CLVS1: variants seen among roughly 807,000 people sequenced by gnomAD.
The protein encoded by CLVS1 is clavesin-1.
Under a neutral mutation model 33.1 loss-of-function variants are expected in CLVS1, and 10 were observed. That is an observed-to-expected ratio of 0.30 (90% confidence interval 0.19 to 0.51). CLVS1 has a LOEUF of 0.51. CLVS1 is among the 20% of genes least tolerant of loss of function. The pLI, the probability that CLVS1 is intolerant of heterozygous loss-of-function variation, is 0.97. For missense variants in CLVS1, 343 were observed against 433.4 expected (o/e 0.79, Z 1.85); for synonymous variants, 163 against 166.1 (o/e 0.98, Z 0.14).
At position 61,419,505 on chromosome 8, in the gene CLVS1, A is replaced by G. The variant is rs189601006; in HGVS notation, c.631-34636A>G. Among the ~76,000 whole-genome samples, 40 of 152,282 alleles carry G rather than the reference A, an allele frequency of 2.6e-4. 1 individual carries two copies. The highest frequency in any genetic ancestry group is 3.2e-4 in the Non-Finnish European group (22 of 68,030). ...CCAAGAGAGTTGAAGATGCATTTGA[A>G]TAAGCAATGCAAAAAATTGCTGACA... On this transcript the variant is annotated intron_variant, in intron 3 of 5. Coordinates refer to ENST00000325897, the MANE Select transcript of CLVS1 (RefSeq NM_173519.3).
chr8:61,132,692 G>T (rs1416674714), intron 2 of CLVS1, among the ~76,000 whole-genome samples: 1 of 152,164 alleles, frequency 6.6e-6, no homozygotes, highest in Non-Finnish European at 1.5e-5. Context: ...CGAGGCTTCC[G>T]CATGAAGCTT....
chr8:61,103,128 T>C (rs1325720335), intron 1 of CLVS1, among the ~76,000 whole-genome samples: 1 of 152,218 alleles, frequency 6.6e-6, no homozygotes, highest in African/African-American at 2.4e-5. Flanking sequence ...CAAGGTCCCA[T>C]GTAGAAAGCA....
Position 61,260,684 on chromosome 8 carries a change from T to C in CLVS1, c.-151-38993T>C, listed in dbSNP as rs576727869. 4.7e-4 allele frequency among the ~76,000 whole-genome samples: 72 copies of C among 152,320 alleles called. No homozygotes were observed. The South Asian group carries it at 0.015, about 31-fold the overall frequency. On this transcript the variant is annotated intron_variant, in intron 2 of 2. Coordinates refer to the CLVS1 transcript ENST00000522621. ...GGAGATAAAGAAAAGTGGTCCTGCC[T>C]GGTCCAGCCCGAACATATTGACAGG...
chr8:61,327,610 A>G (rs916933798), intron 2 of CLVS1, among the ~76,000 whole-genome samples: 1 of 152,208 alleles, frequency 6.6e-6, no homozygotes, highest in Non-Finnish European at 1.5e-5. Flanking sequence ...ACTTTTTCAT[A>G]TGATTTGATT....
At chr8:61,345,965 T>C (rs1812206863) in intron 2 of CLVS1, among the ~76,000 whole-genome samples, 2 of 152,072 alleles carry the variant, frequency 1.3e-5, no homozygotes, top group South Asian at 4.1e-4. Context: ...ACCAAACCTA[T>C]ATGTGATTTT....
At chr8:61,123,835 G>T (rs1481036054) in intron 1 of CLVS1, among the ~76,000 whole-genome samples, 1 of 152,210 alleles carries the variant, frequency 6.6e-6, no homozygotes, top group African/African-American at 2.4e-5. Flanking sequence ...CTGCAGTCCA[G>T]CATTTTCTTT....
At chr8:61,049,373 A>T in the CLVS1 span, among the ~76,000 whole-genome samples, 7 of 152,234 alleles carry the variant, frequency 4.6e-5, no homozygotes, top group Admixed American at 3.3e-4. Flanking sequence ...TGCATATATC[A>T]ATTTATCTCC....
chr8:61,164,339 T>G (rs1400229115), intron 2 of CLVS1, among the ~76,000 whole-genome samples: 1 of 152,220 alleles, frequency 6.6e-6, no homozygotes, highest in Non-Finnish European at 1.5e-5. Context: ...AAGTTATTTT[T>G]CTTTTAAAGC....
the CLVS1 span, among the ~76,000 whole-genome samples, chr8:60,996,364 A>T: frequency 3.9e-5 from 6 of 152,316 alleles, no homozygotes; most frequent in African/African-American, 1.4e-4. Context: ...TGCCTGAGCC[A>T]TTTGGGTTGC....
chr8:61,441,962 C>T (rs1816567808), intron 3 of CLVS1, among the ~76,000 whole-genome samples: 1 of 152,006 alleles, frequency 6.6e-6, no homozygotes, highest in South Asian at 2.1e-4. Flanking sequence ...TTTTTGGTTT[C>T]TTTTTTAACA....
At chr8:61,029,696 C>A in the CLVS1 span, among the ~76,000 whole-genome samples, 1 of 151,820 alleles carries the variant, frequency 6.6e-6, no homozygotes, top group African/African-American at 2.4e-5. Context: ...TTTGCTGCAC[C>A]CATCAACCCA....
At chr8:61,389,823 T>C (rs1814231254) in intron 3 of CLVS1, among the ~76,000 whole-genome samples, 1 of 152,092 alleles carries the variant, frequency 6.6e-6, no homozygotes, top group Non-Finnish European at 1.5e-5. Flanking sequence ...TATAATATGG[T>C]ATAAAAATGT....
At chr8:61,197,485 G>C (rs1807641015) in intron 2 of CLVS1, among the ~76,000 whole-genome samples, 1 of 152,060 alleles carries the variant, frequency 6.6e-6, no homozygotes, top group Non-Finnish European at 1.5e-5. Flanking sequence ...GTCAGGTAAT[G>C]TGATTCCTCC....
intron 2 of CLVS1, among the ~76,000 whole-genome samples, chr8:61,247,233 T>C (rs1808833133): frequency 6.6e-6 from 1 of 152,188 alleles, no homozygotes; most frequent in African/African-American, 2.4e-5. Flanking sequence ...GTCTTTGATA[T>C]CATGAAGAGT....
intron 3 of CLVS1, among the ~76,000 whole-genome samples, chr8:61,384,167 G>A (rs1449876713): frequency 6.6e-6 from 1 of 152,220 alleles, no homozygotes; most frequent in African/African-American, 2.4e-5. Flanking sequence ...ACACAGCTCA[G>A]TAGGAGAGAG....
intron 5 of CLVS1, 87 bp downstream of exon 5, chr8:61,458,629 AC>A (rs1817252263): frequency 7.2e-6 from 6 of 833,020 alleles, no homozygotes; most frequent in Admixed American, 6.4e-5. Context: ...TTAATTAAAG[AC>A]CTTTATGGGC....
At chr8:61,451,812 C>CAGAGAG (rs71257362) in intron 3 of CLVS1, among the ~76,000 whole-genome samples, 3,223 of 142,886 alleles carry the variant, frequency 0.023, 67 homozygotes, top group African/African-American at 0.061. Flanking sequence ...CACACACACA[C>CAGAGAG]AGAGAGAGAG....
intron 2 of CLVS1, among the ~76,000 whole-genome samples, chr8:61,372,583 G>A (rs554582070): frequency 5.9e-5 from 9 of 151,296 alleles, no homozygotes; most frequent in South Asian, 4.2e-4. Flanking sequence ...ATGTCCATAC[G>A]TTATTTGGAT....
At chr8:61,068,343 T>G (rs1001696745) in intron 1 of CLVS1, among the ~76,000 whole-genome samples, 1 of 151,478 alleles carries the variant, frequency 6.6e-6, no homozygotes, top group African/African-American at 2.4e-5. Context: ...TCACTATGGC[T>G]AAGACTCCAG....
Sources: allele counts gnomAD v4.1 joint callset (sites outside exome capture counted in the v4.1 genomes callset), GRCh38; gene constraint gnomAD v4.1.1; transcripts MANE v1.5; gene names NCBI Gene and HGNC (gene_info 2026-07-23, HGNC 2026-07-21).